The following DDAH1 variants were observed in gnomAD, a reference collection of about 807,000 sequenced individuals.
The protein encoded by DDAH1 is dimethylarginine dimethylaminohydrolase 1.
Under a neutral mutation model 28.8 loss-of-function variants are expected in DDAH1, and 19 were observed. The observed-to-expected ratio is 0.66, with a 90% CI of 0.46 to 0.97. The LOEUF is 0.97. Among genes scored for constraint, DDAH1 ranks in the 50% least tolerant of loss-of-function variants. The pLI is 0.00. For synonymous variants in DDAH1, 153 were observed against 154.4 expected (o/e 0.99, Z 0.07); for missense variants, 326 against 375.9 (o/e 0.87, Z 1.10).
intron 1 of DDAH1, among the ~76,000 whole-genome samples, chr1:85,439,570 T>C (rs1231915048): frequency 6.6e-6 from 1 of 152,244 alleles, no homozygotes; most frequent in African/African-American, 2.4e-5. Context: ...TCTTGTTTCT[T>C]ATATCTGTTT....
intron 4 of DDAH1, among the ~76,000 whole-genome samples, chr1:85,345,173 G>A (rs1297252449): frequency 6.6e-6 from 1 of 152,142 alleles, no homozygotes; most frequent in Non-Finnish European, 1.5e-5. Flanking sequence ...GTTTAACTAT[G>A]TGCATGAAAG....
intron 1 of DDAH1, among the ~76,000 whole-genome samples, chr1:85,433,468 C>T (rs776553057): frequency 2.6e-5 from 4 of 152,096 alleles, no homozygotes; most frequent in East Asian, 1.9e-4. Flanking sequence ...AACGTACAAG[C>T]GGCACACAGT....
chr1:85,514,668 C>G lies in DDAH1; in HGVS notation c.-122-18387G>C, dbSNP rs375767196. Among the ~76,000 whole-genome samples the G allele has an allele frequency of 3.7e-4, 56 of 149,932 alleles. No individual in the cohort carries two copies. The East Asian group carries it at 9.8e-3, about 26-fold the overall frequency. On this transcript the variant is annotated intron_variant, in intron 1 of 6. Coordinates refer to the DDAH1 transcript ENST00000426972. ...TTTTCTTTCACTTTTTTGGGTATTA[C>G]TATGGACTAATGAATTTTTATGTAT...
intron 1 of DDAH1, among the ~76,000 whole-genome samples, chr1:85,437,034 A>G (rs1653973835): frequency 6.6e-6 from 1 of 152,208 alleles, no homozygotes; most frequent in South Asian, 2.1e-4. Flanking sequence ...TAACCAAAAA[A>G]AAACCTGTGA....
At chr1:85,331,023 C>T (rs894728097) in intron 4 of DDAH1, among the ~76,000 whole-genome samples, 1 of 152,218 alleles carries the variant, frequency 6.6e-6, no homozygotes, top group Non-Finnish European at 1.5e-5. Context: ...GCCACACTGT[C>T]ATGGTCTGTT....
At chr1:85,438,229 C>T (rs1351011142) in intron 1 of DDAH1, among the ~76,000 whole-genome samples, 1 of 152,146 alleles carries the variant, frequency 6.6e-6, no homozygotes, top group Admixed American at 6.6e-5. Context: ...TAACTTTATG[C>T]TCAGTACCTG....
At chr1:85,547,712 G>A (rs1295099434) in intron 1 of DDAH1, among the ~76,000 whole-genome samples, 1 of 152,218 alleles carries the variant, frequency 6.6e-6, no homozygotes, top group Non-Finnish European at 1.5e-5. Flanking sequence ...GCAATTGATT[G>A]ATAGAGAGGT....
At chr1:85,359,153 C>T (rs1458416012) in intron 1 of DDAH1, among the ~76,000 whole-genome samples, 1 of 152,202 alleles carries the variant, frequency 6.6e-6, no homozygotes, top group African/African-American at 2.4e-5. Context: ...CTAGTTAAGA[C>T]ACTGTTGGAG....
intron 4 of DDAH1, 142 bp downstream of exon 4, chr1:85,350,273 A>G: frequency 9.4e-7 from 1 of 1,064,574 alleles, no homozygotes; most frequent in Admixed American, 2.4e-5. Context: ...TGAGGTCACA[A>G]CAGTGCACAT....
intron 1 of DDAH1, among the ~76,000 whole-genome samples, chr1:85,391,466 C>CTAAA (rs555348641): frequency 2.3e-4 from 35 of 152,106 alleles, no homozygotes; most frequent in African/African-American, 6.7e-4. Context: ...GACCCCATCT[C>CTAAA]TAAATAAATA....
At chr1:85,396,294 C>T (rs1415660664) in intron 1 of DDAH1, among the ~76,000 whole-genome samples, 2 of 152,114 alleles carry the variant, frequency 1.3e-5, no homozygotes, top group Non-Finnish European at 2.9e-5. Context: ...CACAGTTTTC[C>T]TGGCTGGAAG....
intron 1 of DDAH1, among the ~76,000 whole-genome samples, chr1:85,361,261 TA>T (rs1649781743): frequency 6.6e-6 from 1 of 152,136 alleles, no homozygotes; most frequent in African/African-American, 2.4e-5. Context: ...GTTAGAACAC[TA>T]AATATAACTA....
intron 1 of DDAH1, among the ~76,000 whole-genome samples, chr1:85,513,476 G>A (rs1047240030): frequency 6.6e-6 from 1 of 152,094 alleles, no homozygotes; most frequent in African/African-American, 2.4e-5. Context: ...AAAAGCAATG[G>A]CAACAAAAGC....
intron 1 of DDAH1, among the ~76,000 whole-genome samples, chr1:85,549,558 C>T (rs1490135420): frequency 6.6e-6 from 1 of 152,214 alleles, no homozygotes; most frequent in African/African-American, 2.4e-5. Flanking sequence ...CTTCCATCAT[C>T]AAGGGCTGTT....
chr1:85,545,961 CT>C (rs1368470781), intron 1 of DDAH1, among the ~76,000 whole-genome samples: 1 of 152,094 alleles, frequency 6.6e-6, no homozygotes, highest in East Asian at 1.9e-4. Context: ...GGCATGTCAA[CT>C]TTCTTATTTG....
At chr1:85,530,220 G>A (rs1409230498) in intron 1 of DDAH1, among the ~76,000 whole-genome samples, 36 of 152,140 alleles carry the variant, frequency 2.4e-4, no homozygotes, top group African/African-American at 7.2e-4. Context: ...TATAGTAAGC[G>A]TTCCATAAAT....
At position 85,339,058 on chromosome 1, in the gene DDAH1, A is replaced by T. The variant is rs1296009873; in HGVS notation, c.597+11357T>A. Among the ~76,000 whole-genome samples the T allele has an allele frequency of 2.2e-3, 330 of 149,600 alleles. 1 individual carries two copies. The highest frequency in any genetic ancestry group is 4.1e-3 in the African/African-American group (166 of 40,656). On this transcript the variant is annotated intron_variant, in intron 4 of 5. Transcript: ENST00000284031. ...CAAGACTCCGTCTCAAAAAAAAAAA[A>T]AAAAATATATATATATATGATCTTC... is the stretch of plus-strand genomic sequence containing the variant.
At chr1:85,507,506 A>ATAAG (rs1337684431) in intron 1 of DDAH1, among the ~76,000 whole-genome samples, 1 of 147,044 alleles carries the variant, frequency 6.8e-6, no homozygotes. Flanking sequence ...CTGCATCACA[A>ATAAG]TAAATAAATA....
Position 85,400,190 on chromosome 1 carries a change from T to TC in DDAH1, c.304-41344_304-41343insG, listed in dbSNP as rs1362818942. ...TTCTTTTCTTTTCTTTTTTTTTTTT[T>TC]TTTTTTTTTTTTTTTTTTGAGACGG... On this transcript the variant is annotated intron_variant, in intron 1 of 5. Coordinates refer to ENST00000284031, the MANE Select transcript of DDAH1 (RefSeq NM_012137.4). Among the ~76,000 whole-genome samples, 56 of 100,306 alleles carry TC rather than the reference T, an allele frequency of 5.6e-4. 2 individuals are homozygous for TC. The highest frequency in any genetic ancestry group is 1.5e-3 in the African/African-American group (37 of 25,106). 65.8% of individuals were successfully genotyped at this position (100,306 alleles called of 152,430 possible).
Sources: gnomAD v4.1 joint callset for allele counts (sites outside exome capture counted in the v4.1 genomes callset) on GRCh38, gnomAD v4.1.1 for gene constraint, MANE v1.5 for transcripts, NCBI Gene and HGNC (gene_info 2026-07-23, HGNC 2026-07-21) for gene names.